ATP10D: variants seen among roughly 807,000 people sequenced by gnomAD.
ATP10D encodes phospholipid-transporting ATPase VD.
Under a neutral mutation model 144.8 loss-of-function variants are expected in ATP10D, and 89 were observed. The observed-to-expected ratio is 0.61, with a 90% confidence interval of 0.52 to 0.73. The LOEUF (loss-of-function observed/expected upper bound fraction) is 0.73, where lower values mean the gene tolerates loss of function less well. ATP10D is among the 30% of genes least tolerant of loss of function. ATP10D has a pLI of 0.00. For synonymous variants in ATP10D, 571 were observed against 615.1 expected (o/e 0.93, Z 1.06); for missense variants, 1,603 against 1,714.8 (o/e 0.93, Z 1.15).
At chr4:47,520,703 G>C (rs893330981) in intron 3 of ATP10D, among the ~76,000 whole-genome samples, 2 of 151,968 alleles carry the variant, frequency 1.3e-5, no homozygotes, top group Non-Finnish European at 2.9e-5. Context: ...CGAGTAGCTG[G>C]TATTACAGGC....
chr4:47,520,856 C>G (rs1238743421), intron 3 of ATP10D, among the ~76,000 whole-genome samples: 1 of 152,130 alleles, frequency 6.6e-6, no homozygotes, highest in Admixed American at 6.5e-5. Flanking sequence ...CATGAGCCAC[C>G]GTGCCCGGCC....
Position 47,581,907 on chromosome 4 carries a change from C to A in ATP10D, c.3649-53C>A, listed in dbSNP as rs189101767. On this transcript the variant is annotated intron_variant, in intron 20 of 22. Transcript: ENST00000273859. ...TTGAGCTGTAGATAAAGTGATGTTA[C>A]CCACACCAAGTTGCACAACTCTCCA... 2.3e-4 allele frequency: 330 copies of A among 1,418,004 alleles called. 1 individual carries two copies. The African/African-American group carries it at 4.1e-3, about 18-fold the overall frequency. The allele number at this position is 1,418,004 out of a possible 1,614,324, so 87.8% of individuals were successfully genotyped here.
chr4:47,547,265 T>C (rs909141338), intron 10 of ATP10D: 1 of 181,438 alleles, frequency 5.5e-6, no homozygotes, highest in Non-Finnish European at 1.2e-5. Context: ...ATGTGGTACA[T>C]TGAAGGCCTT....
At chr4:47,567,150 T>G (rs1347571465) in intron 15 of ATP10D, among the ~76,000 whole-genome samples, 3 of 152,236 alleles carry the variant, frequency 2.0e-5, no homozygotes, top group Non-Finnish European at 4.4e-5. Context: ...TCTATGCATG[T>G]GACACTCAAA....
At chr4:47,549,204 A>G (rs531124235) in intron 10 of ATP10D, among the ~76,000 whole-genome samples, 91 of 152,212 alleles carry the variant, frequency 6.0e-4, no homozygotes, top group Non-Finnish European at 7.2e-4. Flanking sequence ...TTCAACAAGC[A>G]TACTGTTTAT....
At chr4:47,515,147 G>A (rs1390856175) in intron 2 of ATP10D, among the ~76,000 whole-genome samples, 1 of 151,992 alleles carries the variant, frequency 6.6e-6, no homozygotes, top group East Asian at 1.9e-4. Context: ...TTTTAGTAGA[G>A]ACGGGGTTTT....
intron 15 of ATP10D, among the ~76,000 whole-genome samples, chr4:47,567,357 A>G (rs1719695902): frequency 6.6e-6 from 1 of 152,368 alleles, no homozygotes. Context: ...ACTCAAATAA[A>G]TAGAAGAGTA....
intron 9 of ATP10D, among the ~76,000 whole-genome samples, chr4:47,544,835 G>T (rs969240150): frequency 6.6e-6 from 1 of 152,134 alleles, no homozygotes; most frequent in Admixed American, 6.5e-5. Flanking sequence ...AAATAGAGAA[G>T]ACTGGCAATC....
At position 47,593,167 on chromosome 4, in the gene ATP10D, A is replaced by G. The variant is rs1721117304; in HGVS notation, c.*1786A>G. 2.0e-5 allele frequency: 3 copies of G among 152,104 alleles called. No individual in the cohort carries two copies. The highest frequency in any genetic ancestry group is 1.3e-4 in the Admixed American group (2 of 15,250). 9.4% of individuals were successfully genotyped at this position (152,104 alleles called of 1,614,324 possible). A position where few individuals can be genotyped will look rare whatever the true frequency, so the allele number is the denominator to read the frequency against. On this transcript the variant is annotated 3_prime_UTR_variant, in exon 23 of 23. Coordinates refer to ENST00000273859, the MANE Select transcript of ATP10D (RefSeq NM_020453.4). ...GAATGATCCAAAAATACTAAGGAAA[A>G]AGAACAATTTTCAATTTTCAGAAAT...
chr4:47,526,704 TTGTATTTTAATA>T (rs1334275967), intron 5 of ATP10D, among the ~76,000 whole-genome samples: 1 of 151,606 alleles, frequency 6.6e-6, no homozygotes, highest in Non-Finnish European at 1.5e-5. Flanking sequence ...CAAAAATCGA[TTGTATTTTAATA>T]TGCTAATAAT....
chr4:47,563,254 G>A (rs1024887151), intron 14 of ATP10D, among the ~76,000 whole-genome samples: 1 of 151,966 alleles, frequency 6.6e-6, no homozygotes, highest in East Asian at 1.9e-4. Context: ...CTTATCCTTG[G>A]GAATATCATA....
At chr4:47,519,909 A>T (rs1716860145) in intron 3 of ATP10D, among the ~76,000 whole-genome samples, 1 of 152,164 alleles carries the variant, frequency 6.6e-6, no homozygotes, top group African/African-American at 2.4e-5. Flanking sequence ...GGTAACTGGG[A>T]TATTAATATC....
Position 47,568,948 on chromosome 4 carries a change from C to G in ATP10D, c.2965C>G (p.Arg989Gly), listed in dbSNP as rs753524004. 1.2e-6 allele frequency: 2 copies of G among 1,614,162 alleles called. No homozygotes were observed. Among genetic ancestry groups the G allele is most frequent in the Non-Finnish European group, 1.7e-6 (2 of 1,180,034 alleles). ...SEDLLQPPVP[R>G]DSGLRAGLII... ...AGATTTACTTCAGCCTCCTGTCCCCCGGGACTCAGGGTTACGAGCTGGACT... is the reference window on the plus strand; with the variant it reads ...AGATTTACTTCAGCCTCCTGTCCCCGGGGACTCAGGGTTACGAGCTGGACT... Residue 989 changes from arginine (R) to glycine (G), a missense_variant, in exon 16 of 23, where the codon CGG becomes GGG. Transcript: ENST00000273859.
At chr4:47,547,731 C>T (rs193246544) in intron 10 of ATP10D, among the ~76,000 whole-genome samples, 114 of 152,264 alleles carry the variant, frequency 7.5e-4, no homozygotes, top group African/African-American at 2.6e-3. Context: ...ACAGTAGAGA[C>T]ATGATATGAG....
chr4:47,562,694 C>G (rs992550392), intron 14 of ATP10D, among the ~76,000 whole-genome samples: 3 of 152,176 alleles, frequency 2.0e-5, no homozygotes, highest in African/African-American at 7.2e-5. Context: ...TACTGGGTAT[C>G]TACCCAAAGG....
intron 15 of ATP10D, among the ~76,000 whole-genome samples, chr4:47,565,084 G>A (rs1216657024): frequency 6.6e-6 from 1 of 152,078 alleles, no homozygotes; most frequent in Non-Finnish European, 1.5e-5. Flanking sequence ...TCAGCCTCCC[G>A]AGTAGCTGGG....
rs1715239002 is a variant in ATP10D, at chr4:47,494,338, GAT to G, written c.-38+8820_-38+8821del. ...GCCTAGGGAATCAAGTTTTCTTAGCGATCCTGCATGCTTTTGAAGTGGTAAGG... is the reference window on the plus strand; with the variant it reads ...GCCTAGGGAATCAAGTTTTCTTAGCGCCTGCATGCTTTTGAAGTGGTAAGG... On this transcript the variant is annotated intron_variant, in intron 1 of 22. Transcript: ENST00000273859. Among the ~76,000 whole-genome samples, 5 of 152,108 alleles carry G rather than the reference GAT, an allele frequency of 3.3e-5. No individual in the cohort carries two copies. In the South Asian group the frequency reaches 6.2e-4, roughly 19 times the overall value.
rs532376401 is a variant in ATP10D at position 47,576,650 on chromosome 4, T to C, written c.3367-123T>C. 1.2e-5 allele frequency: 10 copies of C among 853,284 alleles called. No individual in the cohort carries two copies. In the African/African-American group the frequency reaches 1.7e-4, roughly 14 times the overall value. 52.9% of individuals were successfully genotyped at this position (853,284 alleles called of 1,614,324 possible). A position where few individuals can be genotyped will look rare whatever the true frequency, so the allele number is the denominator to read the frequency against. Reference sequence around the variant, plus strand: ...AGCTGCAAGGTAAATTGTGGTCCTATCTTATATAAGAAAACTACAGAGAGG... The same window carrying C: ...AGCTGCAAGGTAAATTGTGGTCCTACCTTATATAAGAAAACTACAGAGAGG... On this transcript the variant is annotated intron_variant, in intron 18 of 22. Coordinates refer to ENST00000273859, the MANE Select transcript of ATP10D (RefSeq NM_020453.4).
intron 16 of ATP10D, among the ~76,000 whole-genome samples, chr4:47,571,851 G>A (rs1002808103): frequency 3.9e-5 from 6 of 152,166 alleles, no homozygotes; most frequent in African/African-American, 1.2e-4. Context: ...TATCATGTGC[G>A]TGGCTACAGG....
Sources: allele counts gnomAD v4.1 joint callset (sites outside exome capture counted in the v4.1 genomes callset), GRCh38; gene constraint gnomAD v4.1.1; transcripts MANE v1.5; gene names NCBI Gene and HGNC (gene_info 2026-07-23, HGNC 2026-07-21).